The following STIM2 variants were observed in gnomAD, a reference collection of about 807,000 sequenced individuals.
The protein encoded by STIM2 is stromal interaction molecule 2.
In STIM2, 31 loss-of-function variants were observed where a neutral mutation model predicts 85.8. The ratio of observed to expected loss-of-function variants is 0.36; its 90% CI spans 0.27 to 0.49. STIM2 has a LOEUF of 0.49. Ranked by LOEUF, STIM2 falls within the 20% of genes least tolerant of loss-of-function variation. STIM2 has a pLI of 0.98. For synonymous variants in STIM2, 356 were observed against 331.1 expected (o/e 1.08, Z -0.82); for missense variants, 841 against 927.6 (o/e 0.91, Z 1.21).
chr4:26,957,779 T>C, intron 3 of STIM2, 53 bp downstream of exon 3: 5 of 1,115,088 alleles, frequency 4.5e-6, no homozygotes, highest in Non-Finnish European at 6.5e-6. Flanking sequence ...TCTAGCCTGC[T>C]TAGTTGTTCT....
chr4:26,900,454 T>C (rs1486786979), intron 1 of STIM2, among the ~76,000 whole-genome samples: 1 of 152,190 alleles, frequency 6.6e-6, no homozygotes, highest in Non-Finnish European at 1.5e-5. Context: ...TGAATTTTTT[T>C]CCCGCTCAGA....
chr4:26,882,766 T>G (rs762819161), intron 1 of STIM2, among the ~76,000 whole-genome samples: 1 of 151,768 alleles, frequency 6.6e-6, no homozygotes, highest in Non-Finnish European at 1.5e-5. Context: ...CCCATTAGTC[T>G]CTTCTTATGG....
intron 2 of STIM2, among the ~76,000 whole-genome samples, chr4:26,921,494 C>A (rs546967642): frequency 6.6e-6 from 1 of 152,172 alleles, no homozygotes; most frequent in African/African-American, 2.4e-5. Flanking sequence ...TAGTGTGAAG[C>A]GGCCATAGAC....
At chr4:26,953,017 A>G (rs566826641) in intron 2 of STIM2, among the ~76,000 whole-genome samples, 3 of 152,222 alleles carry the variant, frequency 2.0e-5, no homozygotes, top group East Asian at 1.9e-4. Context: ...AAGACCTTGC[A>G]ATTGTTTATG....
intron 2 of STIM2, among the ~76,000 whole-genome samples, chr4:26,952,840 A>G (rs1439732468): frequency 6.6e-6 from 1 of 152,138 alleles, no homozygotes; most frequent in Non-Finnish European, 1.5e-5. Context: ...TTTAAAACTT[A>G]CTTCCAGAAT....
intron 5 of STIM2, among the ~76,000 whole-genome samples, chr4:27,000,974 T>G (rs1728130849): frequency 6.6e-6 from 1 of 152,186 alleles, no homozygotes. Context: ...AAAATGCTTT[T>G]GAGATTGTAG....
intron 7 of STIM2, among the ~76,000 whole-genome samples, chr4:27,004,475 G>A (rs1728267787): frequency 6.6e-6 from 1 of 151,996 alleles, no homozygotes; most frequent in Non-Finnish European, 1.5e-5. Context: ...CTCTCGGTTT[G>A]TTCTGGTATA....
At chr4:26,953,734 T>G (rs1474141945) in intron 2 of STIM2, among the ~76,000 whole-genome samples, 1 of 152,126 alleles carries the variant, frequency 6.6e-6, no homozygotes, top group Non-Finnish European at 1.5e-5. Flanking sequence ...TTCTCTTTCA[T>G]TATTTTCTCT....
intron 3 of STIM2, among the ~76,000 whole-genome samples, chr4:26,994,718 A>C (rs1233509927): frequency 6.6e-6 from 1 of 152,128 alleles, no homozygotes; most frequent in Non-Finnish European, 1.5e-5. Flanking sequence ...CTGCTAGTTC[A>C]TTCCATCTGA....
chr4:26,946,413 C>T (rs981475406), intron 2 of STIM2, among the ~76,000 whole-genome samples: 2 of 152,174 alleles, frequency 1.3e-5, no homozygotes, highest in African/African-American at 4.8e-5. Flanking sequence ...CTGATCAAAC[C>T]TGATTCTTTA....
chr4:26,972,114 T>A (rs768150697), intron 3 of STIM2, among the ~76,000 whole-genome samples: 21 of 152,252 alleles, frequency 1.4e-4, no homozygotes, highest in Non-Finnish European at 3.1e-4. Flanking sequence ...TTACTGAAGT[T>A]GCTTATCAGC....
chr4:26,935,062 A>C (rs1473646150), intron 2 of STIM2, among the ~76,000 whole-genome samples: 1 of 152,164 alleles, frequency 6.6e-6, no homozygotes, highest in Non-Finnish European at 1.5e-5. Flanking sequence ...TTTTCCTATA[A>C]ATTTGCCACT....
intron 2 of STIM2, among the ~76,000 whole-genome samples, chr4:26,922,919 A>T (rs1724857921): frequency 6.6e-6 from 1 of 152,130 alleles, no homozygotes. Flanking sequence ...GACCAAATAT[A>T]TTTCTCATTA....
rs78921933 is a variant in STIM2 at position 26,977,341 on chromosome 4, G to A, written c.398-18038G>A. Among the ~76,000 whole-genome samples the A allele has an allele frequency of 5.4e-3, 827 of 152,262 alleles. 7 individuals carry two copies. The highest frequency in any genetic ancestry group is 0.019 in the African/African-American group (786 of 41,554). On this transcript the variant is annotated intron_variant, in intron 3 of 11. Coordinates refer to ENST00000467087, the MANE Select transcript of STIM2 (RefSeq NM_020860.4). ...TCATAGGACCTGGTAGGGCCAATAA[G>A]GAATTTGAGATTTACTATATGGATA...
intron 10 of STIM2, among the ~76,000 whole-genome samples, chr4:27,012,995 T>C (rs529827235): frequency 6.6e-6 from 1 of 152,176 alleles, no homozygotes; most frequent in African/African-American, 2.4e-5. Flanking sequence ...TTTGTCACAA[T>C]GTACAATTTT....
chr4:26,883,098 C>T (rs989059421), intron 1 of STIM2, among the ~76,000 whole-genome samples: 2 of 151,798 alleles, frequency 1.3e-5, no homozygotes, highest in African/African-American at 4.8e-5. Flanking sequence ...ATCCGCCCAC[C>T]TTGGCCTCCC....
intron 3 of STIM2, among the ~76,000 whole-genome samples, chr4:26,970,980 TC>T (rs1378757259): frequency 6.6e-6 from 1 of 152,226 alleles, no homozygotes; most frequent in East Asian, 1.9e-4. Flanking sequence ...AATTTGCATT[TC>T]TCTGATGACC....
chr4:26,885,143 A>G (rs1459803892), intron 1 of STIM2, among the ~76,000 whole-genome samples: 1 of 151,388 alleles, frequency 6.6e-6, no homozygotes. Flanking sequence ...TTTGTGTTCC[A>G]CTGTTCATGT....
intron 2 of STIM2, among the ~76,000 whole-genome samples, chr4:26,954,136 G>A (rs1394593367): frequency 6.6e-6 from 1 of 152,050 alleles, no homozygotes; most frequent in Non-Finnish European, 1.5e-5. Flanking sequence ...TTATTAAAGT[G>A]GTGTCATAAA....
Sources: gnomAD v4.1 joint callset for allele counts (sites outside exome capture counted in the v4.1 genomes callset) on GRCh38, gnomAD v4.1.1 for gene constraint, MANE v1.5 for transcripts, NCBI Gene and HGNC (gene_info 2026-07-23, HGNC 2026-07-21) for gene names.